ARL15: variants seen among roughly 807,000 people sequenced by gnomAD.
ARL15 encodes ADP-ribosylation factor-like protein 15.
ARL15 carries 19 observed loss-of-function variants against 25.2 expected under a neutral mutation model. That is an observed-to-expected ratio of 0.75 (90% CI 0.53 to 1.10). ARL15 has a LOEUF of 1.10. ARL15 is among the 50% of genes least tolerant of loss of function. ARL15 has a pLI of 0.00. For synonymous variants in ARL15, 94 were observed against 86.8 expected, an observed-to-expected ratio of 1.08 and a Z score of -0.46; for missense variants, 220 against 246.0, an observed-to-expected ratio of 0.89 and a Z score of 0.71.
At chr5:54,212,526 G>A (rs1756072806) in intron 1 of ARL15, among the ~76,000 whole-genome samples, 1 of 152,092 alleles carries the variant, frequency 6.6e-6, no homozygotes, top group Admixed American at 6.5e-5. Context: ...GGGAACACAG[G>A]AGTCTAAGTG....
At chr5:54,272,371 C>G (rs1447095195) in intron 1 of ARL15, among the ~76,000 whole-genome samples, 1 of 151,852 alleles carries the variant, frequency 6.6e-6, no homozygotes, top group Non-Finnish European at 1.5e-5. Context: ...TTCTTCCTAT[C>G]AAGAAAAAAG....
chr5:54,286,668 T>C (rs997537791), intron 1 of ARL15, among the ~76,000 whole-genome samples: 15 of 152,178 alleles, frequency 9.9e-5, no homozygotes, highest in African/African-American at 3.6e-4. Context: ...AGATTTTGGC[T>C]GAAATGGTGA....
chr5:54,078,412 A>G (rs928105075), intron 4 of ARL15, among the ~76,000 whole-genome samples: 3 of 152,210 alleles, frequency 2.0e-5, no homozygotes, highest in Non-Finnish European at 4.4e-5. Context: ...ACGAACGACC[A>G]CACACAAAAC....
rs143989252 is a variant in ARL15 at position 54,275,929 on chromosome 5, G to A, written c.48+34503C>T. ...AGGATGGTCTCGATCTCCTGACCTC[G>A]TGATCCGCCCACCTCGGCCTCCCAA... On this transcript the variant is annotated intron_variant, in intron 1 of 4. Coordinates refer to ENST00000504924, the MANE Select transcript of ARL15 (RefSeq NM_019087.3). Among the ~76,000 whole-genome samples the A allele has an allele frequency of 3.7e-3, 552 of 149,988 alleles. 12 individuals are homozygous for A. Among genetic ancestry groups the A allele is most frequent in the East Asian group, 0.032 (163 of 5,078 alleles).
intron 4 of ARL15, among the ~76,000 whole-genome samples, chr5:54,061,648 C>T (rs1751065385): frequency 6.6e-6 from 1 of 152,106 alleles, no homozygotes. Flanking sequence ...ATTTGGGAAC[C>T]TCCACCTAGA....
intron 4 of ARL15, among the ~76,000 whole-genome samples, chr5:54,110,344 A>C (rs1357291923): frequency 2.0e-5 from 3 of 152,006 alleles, no homozygotes; most frequent in African/African-American, 7.2e-5. Flanking sequence ...CTCATCAACC[A>C]ATAGTGTGTT....
intron 1 of ARL15, among the ~76,000 whole-genome samples, chr5:54,209,901 C>CA (rs1261253711): frequency 6.6e-6 from 1 of 152,112 alleles, no homozygotes. Context: ...CTTTTTCTTA[C>CA]ATGGCAACTT....
At chr5:54,240,032 C>A (rs1468552793) in intron 1 of ARL15, among the ~76,000 whole-genome samples, 2 of 152,066 alleles carry the variant, frequency 1.3e-5, no homozygotes, top group African/African-American at 4.8e-5. Context: ...TCGAGACCAT[C>A]CTGGCTAACA....
At chr5:54,083,514 TGATATATACTGTTGCTTTG>T (rs1281777922) in intron 4 of ARL15, among the ~76,000 whole-genome samples, 1 of 152,210 alleles carries the variant, frequency 6.6e-6, no homozygotes, top group Admixed American at 6.6e-5. Flanking sequence ...TACTTAAATG[TGATATATACTGTTGCTTTG>T]GGTCAAAAGT....
intron 1 of ARL15, among the ~76,000 whole-genome samples, chr5:54,269,557 A>T (rs956632849): frequency 6.6e-6 from 1 of 152,238 alleles, no homozygotes; most frequent in Non-Finnish European, 1.5e-5. Flanking sequence ...CATAATGTAT[A>T]AAAAGTAAAA....
chr5:54,029,066 G>T, intron 4 of ARL15, among the ~76,000 whole-genome samples: 1 of 151,826 alleles, frequency 6.6e-6, no homozygotes, highest in Admixed American at 6.6e-5. Flanking sequence ...TGGTGTAATT[G>T]AGAAGGCTGC....
intron 3 of ARL15, 52 bp downstream of exon 3, chr5:54,154,528 C>A: frequency 8.4e-7 from 1 of 1,185,710 alleles, no homozygotes; most frequent in Admixed American, 3.0e-5. Context: ...TACATTATTA[C>A]CAAATTCATA....
chr5:54,298,714 A>C (rs1004583058), intron 1 of ARL15, among the ~76,000 whole-genome samples: 3 of 152,026 alleles, frequency 2.0e-5, no homozygotes, highest in African/African-American at 7.3e-5. Flanking sequence ...ACACGAATTC[A>C]GTGGTCATTT....
At chr5:54,285,960 A>T (rs1258641493) in intron 1 of ARL15, among the ~76,000 whole-genome samples, 2 of 151,890 alleles carry the variant, frequency 1.3e-5, no homozygotes, top group South Asian at 4.2e-4. Context: ...TGCTTTAGTC[A>T]CTCCTCCAGA....
chr5:54,193,295 T>C (rs1288259481), intron 1 of ARL15, among the ~76,000 whole-genome samples: 2 of 152,178 alleles, frequency 1.3e-5, no homozygotes, highest in Non-Finnish European at 2.9e-5. Context: ...CCAAAATTGA[T>C]ACAAGTCTCT....
intron 4 of ARL15, among the ~76,000 whole-genome samples, chr5:53,910,788 C>G (rs1474109348): frequency 6.6e-6 from 1 of 151,124 alleles, no homozygotes; most frequent in Non-Finnish European, 1.5e-5. Context: ...GATTCCCCTG[C>G]CCTTTCGTTT....
intron 4 of ARL15, among the ~76,000 whole-genome samples, chr5:54,001,157 C>A (rs1748838843): frequency 6.6e-6 from 1 of 152,204 alleles, no homozygotes; most frequent in African/African-American, 2.4e-5. Context: ...GCCCTGCCTG[C>A]AACCCTCTCC....
intron 1 of ARL15, among the ~76,000 whole-genome samples, chr5:54,257,280 A>G (rs534546107): frequency 6.6e-6 from 1 of 152,324 alleles, no homozygotes; most frequent in East Asian, 1.9e-4. Context: ...CCCATTTTAC[A>G]ATAACTACAA....
At chr5:54,059,625 T>A (rs1169954689) in intron 4 of ARL15, among the ~76,000 whole-genome samples, 1 of 152,214 alleles carries the variant, frequency 6.6e-6, no homozygotes, top group East Asian at 1.9e-4. Context: ...TTTCAATGGT[T>A]ACCTCTACCA....
Sources: allele counts gnomAD v4.1 joint callset (sites outside exome capture counted in the v4.1 genomes callset), GRCh38; gene constraint gnomAD v4.1.1; transcripts MANE v1.5; gene names NCBI Gene and HGNC (gene_info 2026-07-23, HGNC 2026-07-21).